TTYH1: variants seen among roughly 807,000 people sequenced by gnomAD.
TTYH1 encodes the protein protein tweety homolog 1.
Under a neutral mutation model 61.2 loss-of-function variants are expected in TTYH1, and 33 were observed. The observed-to-expected ratio is 0.54, with a 90% CI of 0.41 to 0.72. TTYH1 has a LOEUF of 0.72. TTYH1 is among the 30% of genes least tolerant of loss of function. The pLI, the probability that TTYH1 is intolerant of heterozygous loss-of-function variation, is 0.00. For missense variants in TTYH1, 538 were observed against 575.8 expected, an observed-to-expected ratio of 0.93 and a Z score of 0.67; for synonymous variants, 308 against 266.4, an observed-to-expected ratio of 1.16 and a Z score of -1.52.
rs79918827 is a variant in TTYH1, at chr19:54,434,749, G to A, written c.1126-793G>A. 10,020 of 152,276 alleles carry A rather than the reference G, an allele frequency of 0.066. 515 individuals are homozygous for A. Among genetic ancestry groups the A allele is most frequent in the East Asian group, 0.14 (702 of 5,164 alleles). 9.4% of individuals were successfully genotyped at this position (152,276 alleles called of 1,614,324 possible). A position where few individuals can be genotyped will look rare whatever the true frequency, so the allele number is the denominator to read the frequency against. Reference sequence around the variant, plus strand: ...CATGTTGAGTGTGTATTGTGTGCGCGGTGTCATCTTGAGCCACTGGTTGGT... The same window carrying A: ...CATGTTGAGTGTGTATTGTGTGCGCAGTGTCATCTTGAGCCACTGGTTGGT... On this transcript the variant is annotated intron_variant, in intron 10 of 13. Coordinates refer to ENST00000376530, the MANE Select transcript of TTYH1 (RefSeq NM_020659.4). The surrounding 1 kb of genome is among the most constrained non-coding windows in gnomAD (Gnocchi z 4.3).
Position 54,436,620 on chromosome 19 carries a change from C to T in TTYH1, c.*330C>T, listed in dbSNP as rs2122968123. 2 of 579,092 alleles carry T rather than the reference C, an allele frequency of 3.5e-6. No individual in the cohort carries two copies. Among genetic ancestry groups the T allele is most frequent in the East Asian group, 5.6e-5 (2 of 35,640 alleles). 35.9% of individuals were successfully genotyped at this position (579,092 alleles called of 1,614,324 possible). A position where few individuals can be genotyped will look rare whatever the true frequency, so the allele number is the denominator to read the frequency against. ...GGGGACATGAGTCCCCCTGCTGCCCCTGCCACATCCCAGTGGGCTCTGACC... is the reference window on the plus strand; with the variant it reads ...GGGGACATGAGTCCCCCTGCTGCCCTTGCCACATCCCAGTGGGCTCTGACC... On this transcript the variant is annotated 3_prime_UTR_variant, in exon 14 of 14. Coordinates refer to ENST00000376530, the MANE Select transcript of TTYH1 (RefSeq NM_020659.4). This position sits in a 1 kb window ranked among gnomAD's most constrained non-coding sequence, Gnocchi z 4.3.
chr19:54,430,040 GC>G, intron 7 of TTYH1, 83 bp downstream of exon 7: 1 of 1,278,072 alleles, frequency 7.8e-7, no homozygotes, highest in Non-Finnish European at 1.1e-6. Context: ...GCCCGGTCCT[GC>G]CCAGGGTGGG....
At chr19:54,430,995 G>T in intron 9 of TTYH1, 90 bp downstream of exon 9, 1 of 1,528,002 alleles carries the variant, frequency 6.5e-7, no homozygotes, top group Non-Finnish European at 9.0e-7. Context: ...CGGGGCTGCA[G>T]AGCTAGGCGG....
chr19:54,426,193 G>A (rs1157095831), intron 4 of TTYH1, among the ~76,000 whole-genome samples: 3 of 152,188 alleles, frequency 2.0e-5, no homozygotes, highest in African/African-American at 2.4e-5. Context: ...ACTGAGGAAC[G>A]AGAGGCTAAG....
chr19:54,430,721 G>A, intron 8 of TTYH1, 92 bp from the exon 9 acceptor site: 1 of 1,582,880 alleles, frequency 6.3e-7, no homozygotes, highest in Non-Finnish European at 8.7e-7. Flanking sequence ...GAGGATGCAG[G>A]CCAGGGGCCC....
chr19:54,429,708 C>G lies in TTYH1; in HGVS notation c.808-174C>G, dbSNP rs372065292. ...AGAAAGGGCTGGAGAGTCTGAACCC[C>G]TGAGTCTGAGGGACGAGGGGCCTGG... On this transcript the variant is annotated intron_variant, in intron 6 of 13. Transcript: ENST00000376530. This position sits in a 1 kb window ranked among gnomAD's most constrained non-coding sequence, Gnocchi z 5.1. Among the ~76,000 whole-genome samples, 24 of 150,804 alleles carry G rather than the reference C, an allele frequency of 1.6e-4. No individual in the cohort carries two copies. The East Asian group carries it at 2.0e-3, about 12-fold the overall frequency.
chr19:54,436,437 T>C lies in TTYH1; in HGVS notation c.*147T>C. On this transcript the variant is annotated 3_prime_UTR_variant, in exon 14 of 14. Transcript: ENST00000376530. This position sits in a 1 kb window ranked among gnomAD's most constrained non-coding sequence, Gnocchi z 4.3. ...AGCCTGCACAGGACCGCCTCCCTGCTCTTGGCCACTGTGCTCCCATTTCTG... is the reference window on the plus strand; with the variant it reads ...AGCCTGCACAGGACCGCCTCCCTGCCCTTGGCCACTGTGCTCCCATTTCTG... The C allele has an allele frequency of 6.4e-7, 1 of 1,559,412 alleles. No homozygotes were observed. Among genetic ancestry groups the C allele is most frequent in the Non-Finnish European group, 8.8e-7 (1 of 1,131,128 alleles).
At position 54,421,016 on chromosome 19, in the gene TTYH1, G is replaced by T. The variant is rs1041976217; in HGVS notation, c.306-261G>T. ...CAGGGAGGTGCGAGTTAAATCGGGG[G>T]CTCCCTCCCCCCCACCACTCCACCC... On this transcript the variant is annotated intron_variant, in intron 2 of 13. Transcript: ENST00000376530. The surrounding 1 kb of genome is among the most constrained non-coding windows in gnomAD (Gnocchi z 4.8). 6.6e-6 allele frequency among the ~76,000 whole-genome samples: 1 copy of T among 152,028 alleles called. No homozygotes were observed. The highest frequency in any genetic ancestry group is 1.5e-5 in the Non-Finnish European group (1 of 67,948).
Position 54,420,457 on chromosome 19 carries a change from G to T in TTYH1, c.306-820G>T, listed in dbSNP as rs1228726979. Among the ~76,000 whole-genome samples the T allele has an allele frequency of 1.3e-5, 2 of 152,042 alleles. No individual in the cohort carries two copies. The highest frequency in any genetic ancestry group is 2.9e-5 in the Non-Finnish European group (2 of 67,976). On this transcript the variant is annotated intron_variant, in intron 2 of 13. Coordinates refer to ENST00000376530, the MANE Select transcript of TTYH1 (RefSeq NM_020659.4). This position sits in a 1 kb window ranked among gnomAD's most constrained non-coding sequence, Gnocchi z 4.8. ...CTGAACAATGGGGCGGGGACACTGG[G>T]CGTCCGACCCGAGGGATGGGGGTGG...
In TTYH1 at chr19:54,421,741, G is replaced by A. The variant is rs116744944; in HGVS notation, c.417+353G>A. 7.4e-3 allele frequency among the ~76,000 whole-genome samples: 1,124 copies of A among 152,140 alleles called. 15 individuals are homozygous for A. The highest frequency in any genetic ancestry group is 0.026 in the African/African-American group (1,075 of 41,514). ...TCAGGGACCCCCGCCCTGAGGCCCA[G>A]GTCCCCGACTTGAGGCTTCAGCTCC... On this transcript the variant is annotated intron_variant, in intron 3 of 13. Transcript: ENST00000376530. The surrounding 1 kb of genome is among the most constrained non-coding windows in gnomAD (Gnocchi z 4.8).
intron 12 of TTYH1, 54 bp downstream of exon 12, chr19:54,435,927 G>T: frequency 6.2e-7 from 1 of 1,603,876 alleles, no homozygotes; most frequent in South Asian, 1.1e-5. Flanking sequence ...GAACTCCTGG[G>T]TCTGAGGGAG....
chr19:54,425,876 C>G (rs1317365319), intron 4 of TTYH1, among the ~76,000 whole-genome samples: 1 of 152,020 alleles, frequency 6.6e-6, no homozygotes, highest in African/African-American at 2.4e-5. Flanking sequence ...CCACCACGCC[C>G]GGCTAATTGT....
intron 4 of TTYH1, among the ~76,000 whole-genome samples, chr19:54,423,752 G>A (rs569914686): frequency 2.8e-4 from 42 of 152,078 alleles, no homozygotes; most frequent in African/African-American, 9.4e-4. Context: ...GGCGGGCCGG[G>A]CAGTGAGCAA....
chr19:54,428,075 CTAAG>C (rs1377953027), intron 5 of TTYH1, among the ~76,000 whole-genome samples: 3 of 126,530 alleles, frequency 2.4e-5, no homozygotes, highest in African/African-American at 8.9e-5. Context: ...CCACTCCCGG[CTAAG>C]TTTTTTTTTT....
At position 54,419,427 on chromosome 19, in the gene TTYH1, G is replaced by C; in HGVS notation, c.305+121G>C. 4 of 1,049,538 alleles carry C rather than the reference G, an allele frequency of 3.8e-6. 1 individual carries two copies. Among genetic ancestry groups the C allele is most frequent in the Middle Eastern group, 4.2e-4 (2 of 4,784 alleles). The allele number at this position is 1,049,538 out of a possible 1,614,324, so 65.0% of individuals were successfully genotyped here. A position where few individuals can be genotyped will look rare whatever the true frequency, so the allele number is the denominator to read the frequency against. On this transcript the variant is annotated intron_variant, in intron 2 of 13. Transcript: ENST00000376530. This position sits in a 1 kb window ranked among gnomAD's most constrained non-coding sequence, Gnocchi z 6.1. ...CAGACAGGAAGGAGGAAACTCCCTC[G>C]TCCCTGTCCCTGCCATTTGCAAGCC...
At chr19:54,424,717 C>T (rs1033704343) in intron 4 of TTYH1, among the ~76,000 whole-genome samples, 1 of 152,162 alleles carries the variant, frequency 6.6e-6, no homozygotes, top group Non-Finnish European at 1.5e-5. Context: ...GGGAGTCCCT[C>T]GACAGACAAA....
chr19:54,419,187 C>T lies in TTYH1; in HGVS notation c.186C>T (p.Ile62=), dbSNP rs3745434. ...GLGLGLSLIF[I]AVYLIRFCCC... ...GCTTGGGCCTGAGCCTCATTTTCAT[C>T]GCTGTCTACCTCATCCGCTTCTGCT... Residue 62 remains isoleucine (I), a synonymous_variant, in exon 2 of 14, where the codon ATC becomes ATT. Coordinates refer to ENST00000376530, the MANE Select transcript of TTYH1 (RefSeq NM_020659.4). This position sits in a 1 kb window ranked among gnomAD's most constrained non-coding sequence, Gnocchi z 6.1. The T allele has an allele frequency of 5.5e-4, 895 of 1,613,040 alleles. 5 individuals are homozygous for T. The East Asian group carries it at 0.015, about 27-fold the overall frequency.
At chr19:54,428,547 G>A (rs1234204200) in intron 5 of TTYH1, among the ~76,000 whole-genome samples, 1 of 152,142 alleles carries the variant, frequency 6.6e-6, no homozygotes, top group African/African-American at 2.4e-5. Flanking sequence ...TTAACAGAGG[G>A]AGAGACTGAA....
In TTYH1 at chr19:54,416,821, C is replaced by G; in HGVS notation, c.126+1143C>G. The G allele has an allele frequency of 7.7e-7, 1 of 1,293,826 alleles. No individual in the cohort carries two copies. Among genetic ancestry groups the G allele is most frequent in the African/African-American group, 1.5e-5 (1 of 65,986 alleles). 80.1% of individuals were successfully genotyped at this position (1,293,826 alleles called of 1,614,324 possible). On this transcript the variant is annotated intron_variant, in intron 1 of 13. Transcript: ENST00000376530. This position sits in a 1 kb window ranked among gnomAD's most constrained non-coding sequence, Gnocchi z 7.0. ...GTTACACAACGGCCACCTCCAACAA[C>G]GCCGCTCCACCGGCTCCGGCCTCGG...
Sources: gnomAD v4.1 joint callset for allele counts (sites outside exome capture counted in the v4.1 genomes callset) on GRCh38, gnomAD v4.1.1 for gene constraint, Gnocchi (gnomAD v3.1) non-coding constraint, MANE v1.5 for transcripts, NCBI Gene and HGNC (gene_info 2026-07-23, HGNC 2026-07-21) for gene names.